Variants in DPY19L2 observed in about 807,000 individuals in gnomAD.
DPY19L2 encodes dpy-19 like 2.
In DPY19L2, 34 loss-of-function variants were observed where a neutral mutation model predicts 97.9. The ratio of observed to expected loss-of-function variants is 0.35; its 90% CI spans 0.26 to 0.46. The LOEUF (loss-of-function observed/expected upper bound fraction) is 0.46, where lower values mean the gene tolerates loss of function less well. DPY19L2 is among the 20% of genes least tolerant of loss of function. DPY19L2 has a pLI of 1.00. For synonymous variants in DPY19L2, 230 were observed against 307.9 expected, an observed-to-expected ratio of 0.75 and a Z score of 2.65; for missense variants, 623 against 911.4, an observed-to-expected ratio of 0.68 and a Z score of 4.07.
chr12:63,627,027 T>G (rs1192946431), intron 6 of DPY19L2, among the ~76,000 whole-genome samples: 1 of 152,184 alleles, frequency 6.6e-6, no homozygotes, highest in African/African-American at 2.4e-5. Flanking sequence ...TCCACCCGCC[T>G]TGGCCTCCCA....
At chr12:63,568,137 T>C (rs546823935) in intron 21 of DPY19L2, among the ~76,000 whole-genome samples, 2 of 152,010 alleles carry the variant, frequency 1.3e-5, no homozygotes, top group Non-Finnish European at 2.9e-5. Context: ...TACTTAATGT[T>C]ACATAGGTCT....
chr12:63,652,953 G>A (rs1400402721), intron 4 of DPY19L2, among the ~76,000 whole-genome samples: 2 of 152,044 alleles, frequency 1.3e-5, no homozygotes, highest in African/African-American at 4.8e-5. Flanking sequence ...AAAAGTGTCA[G>A]CAGAAAAATA....
intron 18 of DPY19L2, among the ~76,000 whole-genome samples, chr12:63,581,445 G>A (rs1054958406): frequency 6.9e-6 from 1 of 145,338 alleles, no homozygotes; most frequent in Non-Finnish European, 1.5e-5. Flanking sequence ...TATTGGATGA[G>A]TATTTCAGGG....
chr12:63,635,516 C>A (rs546475434), intron 6 of DPY19L2, among the ~76,000 whole-genome samples: 1 of 151,986 alleles, frequency 6.6e-6, no homozygotes, highest in Non-Finnish European at 1.5e-5. Flanking sequence ...TCGAACCCAT[C>A]GCAAAGAAGC....
intron 9 of DPY19L2, among the ~76,000 whole-genome samples, 187 bp from the exon 10 acceptor site, chr12:63,618,415 T>C (rs1219021358): frequency 6.6e-6 from 1 of 152,044 alleles, no homozygotes; most frequent in Non-Finnish European, 1.5e-5. Flanking sequence ...TAAAAATATT[T>C]TTTAAATACG....
intron 4 of DPY19L2, among the ~76,000 whole-genome samples, chr12:63,649,853 G>T (rs1044590028): frequency 2.0e-5 from 3 of 152,076 alleles, no homozygotes; most frequent in Non-Finnish European, 4.4e-5. Context: ...CCAAAATGTG[G>T]CAAAGCCACA....
rs762569582 is a variant in DPY19L2, at chr12:63,600,340, A to G, written c.1325T>C (p.Phe442Ser). Residue 442 changes from phenylalanine to serine, a missense_variant, in exon 13 of 22, where the codon TTT becomes TCT. Physicochemically the swap from Phe to Ser is radical, Grantham distance 155. Transcript: ENST00000324472. ...AWWCGTIILK[F>S]LTSKILGVSD... is the part of the protein sequence containing the mutation. ...AACGCCTAAGATTTTAGATGTCAGA[A>G]ATTTCAAAATGATTGTTCCACACCA... The G allele has an allele frequency of 2.5e-6, 4 of 1,609,520 alleles. No homozygotes were observed. In the African/African-American group the frequency reaches 4.0e-5, roughly 16 times the overall value.
Position 63,560,469 on chromosome 12 carries a change from T to C in DPY19L2, c.*43A>G, listed in dbSNP as rs749417708. On this transcript the variant is annotated 3_prime_UTR_variant, in exon 22 of 22. Transcript: ENST00000324472. ...GAATAAGCCAAAGGGTGATTGTTTT[T>C]GACACACGGCATTGTGCCATAGTAA... 1.3e-6 allele frequency: 2 copies of C among 1,591,660 alleles called. No individual in the cohort carries two copies. Among genetic ancestry groups the C allele is most frequent in the South Asian group, 1.1e-5 (1 of 87,150 alleles).
intron 6 of DPY19L2, among the ~76,000 whole-genome samples, chr12:63,640,775 A>C (rs1326179286): frequency 6.6e-6 from 1 of 152,180 alleles, no homozygotes; most frequent in African/African-American, 2.4e-5. Context: ...TCCTAATGAA[A>C]TATACTGATT....
chr12:63,595,868 A>C (rs1592497633), intron 15 of DPY19L2, 98 bp downstream of exon 15: 1 of 1,115,454 alleles, frequency 9.0e-7, no homozygotes, highest in East Asian at 2.9e-5. Flanking sequence ...AGAGAGAGAA[A>C]GAGTTCATCC....
Position 63,661,326 on chromosome 12 carries a change from T to C in DPY19L2, c.588+18A>G, listed in dbSNP as rs372966852. On this transcript the variant is annotated intron_variant, in intron 4 of 21. Transcript: ENST00000324472. ...AGGATCACTCTACAAATATTATTTG[T>C]CTCAAATTATGACTCACCTCTGGAT... 11 of 1,557,328 alleles carry C rather than the reference T, an allele frequency of 7.1e-6. No homozygotes were observed. The highest frequency in any genetic ancestry group is 2.3e-5 in the East Asian group (1 of 43,250).
intron 13 of DPY19L2, among the ~76,000 whole-genome samples, chr12:63,598,272 T>G (rs982007242): frequency 6.6e-6 from 1 of 152,192 alleles, no homozygotes; most frequent in Non-Finnish European, 1.5e-5. Flanking sequence ...TTACTTAACC[T>G]CTTTCAACAT....
At chr12:63,586,142 G>C (rs1397135620) in intron 16 of DPY19L2, among the ~76,000 whole-genome samples, 1 of 152,104 alleles carries the variant, frequency 6.6e-6, no homozygotes, top group Non-Finnish European at 1.5e-5. Flanking sequence ...TTTCCAGAGA[G>C]AAAAACTGTA....
rs552030278 is a variant in DPY19L2 at position 63,661,489 on chromosome 12, TAA to T, written c.451-10_451-9del. On this transcript the variant is annotated splice_polypyrimidine_tract_variant and intron_variant, in intron 3 of 21. Transcript: ENST00000324472. ...GTATGAATAATAAAGTCCCTTTTTT[TAA>T]AAAAAGACATATATTGTCAATGTAA... 6.5e-7 allele frequency: 1 copy of T among 1,539,022 alleles called. No homozygotes were observed. The highest frequency in any genetic ancestry group is 8.7e-7 in the Non-Finnish European group (1 of 1,148,956).
chr12:63,568,543 C>G (rs1440825273), intron 21 of DPY19L2, among the ~76,000 whole-genome samples: 1 of 151,984 alleles, frequency 6.6e-6, no homozygotes, highest in Non-Finnish European at 1.5e-5. Context: ...ATTGGTCATA[C>G]TTTCTCATTT....
chr12:63,610,363 T>C (rs1886743293), intron 11 of DPY19L2, among the ~76,000 whole-genome samples: 1 of 151,658 alleles, frequency 6.6e-6, no homozygotes, highest in Admixed American at 6.6e-5. Flanking sequence ...TCACCCAAAG[T>C]AACTAAAATC....
intron 16 of DPY19L2, 138 bp downstream of exon 16, chr12:63,593,949 C>A: frequency 1.9e-6 from 1 of 531,842 alleles, no homozygotes; most frequent in Non-Finnish European, 3.2e-6. Flanking sequence ...TTTAAGGAAA[C>A]ATTTAAGTTT....
intron 20 of DPY19L2, among the ~76,000 whole-genome samples, chr12:63,570,097 A>G (rs1878518132): frequency 6.6e-6 from 1 of 152,174 alleles, no homozygotes; most frequent in Non-Finnish European, 1.5e-5. Flanking sequence ...AATAATTTAA[A>G]CATTTGCCTC....
intron 11 of DPY19L2, among the ~76,000 whole-genome samples, chr12:63,610,759 A>C (rs1315991394): frequency 6.9e-6 from 1 of 145,832 alleles, no homozygotes; most frequent in African/African-American, 2.5e-5. Context: ...TACACATTTT[A>C]TGAGGCCAGC....
Sources: allele counts gnomAD v4.1 joint callset (sites outside exome capture counted in the v4.1 genomes callset), GRCh38; gene constraint gnomAD v4.1.1; transcripts MANE v1.5; gene names NCBI Gene and HGNC (gene_info 2026-07-23, HGNC 2026-07-21).